The following KHDRBS2 variants were observed in gnomAD, a reference collection of about 807,000 sequenced individuals.
The protein encoded by KHDRBS2 is KH RNA binding domain containing, signal transduction associated 2, also known as KH domain-containing, RNA-binding, signal transduction-associated protein 2.
A neutral mutation model predicts 44.3 loss-of-function variants in KHDRBS2; 26 were observed. The observed-to-expected ratio is 0.59, with a 90% CI of 0.43 to 0.81. KHDRBS2 has a LOEUF of 0.81. Ranked by LOEUF, KHDRBS2 falls within the 40% of genes least tolerant of loss-of-function variation. The pLI, the probability that KHDRBS2 is intolerant of heterozygous loss-of-function variation, is 0.00. For synonymous variants in KHDRBS2, 194 were observed against 151.1 expected, an observed-to-expected ratio of 1.28 and a Z score of -2.08; for missense variants, 476 against 433.1, an observed-to-expected ratio of 1.10 and a Z score of -0.88.
At chr6:61,632,063 C>T in the KHDRBS2 span, among the ~76,000 whole-genome samples, 1 of 152,102 alleles carries the variant, frequency 6.6e-6, no homozygotes. Flanking sequence ...CACTTACATG[C>T]CCTTTATCCT....
chr6:62,010,171 G>A (rs563490771), intron 3 of KHDRBS2, among the ~76,000 whole-genome samples: 7 of 152,254 alleles, frequency 4.6e-5, no homozygotes, highest in South Asian at 4.1e-4. Context: ...TTGCAACAGC[G>A]TGACCTGGAT....
chr6:62,274,915 C>T (rs138866360), intron 1 of KHDRBS2, among the ~76,000 whole-genome samples: 105 of 151,924 alleles, frequency 6.9e-4, no homozygotes, highest in Admixed American at 2.0e-3. Flanking sequence ...GCTTAACAAA[C>T]ACAATATATA....
At chr6:61,877,190 A>G (rs1483652084) in intron 6 of KHDRBS2, among the ~76,000 whole-genome samples, 1 of 151,974 alleles carries the variant, frequency 6.6e-6, no homozygotes, top group Non-Finnish European at 1.5e-5. Context: ...TGACCCCTGC[A>G]TTGGACCTCC....
chr6:61,747,620 T>C (rs1777055212), intron 6 of KHDRBS2, among the ~76,000 whole-genome samples: 1 of 152,186 alleles, frequency 6.6e-6, no homozygotes, highest in African/African-American at 2.4e-5. Context: ...AGTTAAGTAA[T>C]CTTCATTTCC....
chr6:61,555,365 TG>T, the KHDRBS2 span, among the ~76,000 whole-genome samples: 59 of 152,342 alleles, frequency 3.9e-4, no homozygotes, highest in Non-Finnish European at 4.4e-5. Context: ...CAGTTCAGTT[TG>T]TTTTTTTCTG....
chr6:62,051,168 C>G (rs1213029326), intron 2 of KHDRBS2, among the ~76,000 whole-genome samples: 1 of 151,930 alleles, frequency 6.6e-6, no homozygotes, highest in Non-Finnish European at 1.5e-5. Context: ...CAGAAATGCT[C>G]TATATTTGTT....
intron 2 of KHDRBS2, among the ~76,000 whole-genome samples, chr6:62,170,012 G>A (rs531161953): frequency 6.6e-6 from 1 of 151,698 alleles, no homozygotes; most frequent in South Asian, 2.1e-4. Flanking sequence ...AGATAGCAGG[G>A]CAGGTGACTT....
At chr6:62,091,896 TATTA>T (rs1316303365) in intron 2 of KHDRBS2, among the ~76,000 whole-genome samples, 2 of 152,176 alleles carry the variant, frequency 1.3e-5, no homozygotes, top group African/African-American at 2.4e-5. Flanking sequence ...TCTCATTACG[TATTA>T]ATTATTAATT....
At chr6:61,559,864 T>C in the KHDRBS2 span, among the ~76,000 whole-genome samples, 1 of 152,344 alleles carries the variant, frequency 6.6e-6, no homozygotes, top group East Asian at 1.9e-4. Context: ...AATTTCAATG[T>C]TATAACATTC....
chr6:61,730,933 C>T (rs1308458766), intron 7 of KHDRBS2, among the ~76,000 whole-genome samples: 1 of 151,906 alleles, frequency 6.6e-6, no homozygotes, highest in African/African-American at 2.4e-5. Flanking sequence ...GTCAGTTAAG[C>T]TCACTTAAAT....
chr6:61,677,429 G>T (rs927504976), downstream of KHDRBS2, among the ~76,000 whole-genome samples: 3 of 151,850 alleles, frequency 2.0e-5, no homozygotes, highest in African/African-American at 7.2e-5. Context: ...TGTAATTTTT[G>T]ATGTGCAATC....
At chr6:61,787,003 C>T (rs1373769332) in intron 6 of KHDRBS2, among the ~76,000 whole-genome samples, 1 of 148,774 alleles carries the variant, frequency 6.7e-6, no homozygotes, top group Non-Finnish European at 1.5e-5. Flanking sequence ...ATACAATTGT[C>T]AGTATATTTT....
Position 62,088,814 on chromosome 6 carries a change from G to A in KHDRBS2, c.220-40820C>T, listed in dbSNP as rs182545623. ...GAAATTTTAAGTCTGCTGAAGCTGCGACCGTAGCCACCCCTTGCCCCAGGT... is the reference window on the plus strand; with the variant it reads ...GAAATTTTAAGTCTGCTGAAGCTGCAACCGTAGCCACCCCTTGCCCCAGGT... On this transcript the variant is annotated intron_variant, in intron 2 of 8. Transcript: ENST00000281156. Among the ~76,000 whole-genome samples the A allele has an allele frequency of 3.3e-4, 50 of 152,228 alleles. 1 individual carries two copies. The East Asian group carries it at 8.4e-3, about 25-fold the overall frequency.
At chr6:61,579,631 A>G in the KHDRBS2 span, among the ~76,000 whole-genome samples, 13 of 151,958 alleles carry the variant, frequency 8.6e-5, no homozygotes, top group Non-Finnish European at 1.8e-4. Context: ...GTAAAAATTT[A>G]TATAAGAAAA....
At chr6:62,141,042 C>T (rs559403406) in intron 2 of KHDRBS2, among the ~76,000 whole-genome samples, 95 of 152,228 alleles carry the variant, frequency 6.2e-4, no homozygotes, top group African/African-American at 2.2e-3. Flanking sequence ...GACATGTTTT[C>T]ATATTGTTAT....
chr6:62,000,064 G>A (rs1397969599), intron 3 of KHDRBS2, among the ~76,000 whole-genome samples: 1 of 151,986 alleles, frequency 6.6e-6, no homozygotes, highest in African/African-American at 2.4e-5. Context: ...CAGTTTCCAG[G>A]ATTAGGATGA....
intron 7 of KHDRBS2, among the ~76,000 whole-genome samples, chr6:61,709,339 T>G (rs2127549805): frequency 6.6e-6 from 1 of 151,750 alleles, no homozygotes; most frequent in Non-Finnish European, 1.5e-5. Context: ...TTTGCTCTAC[T>G]CATAGATTAA....
At chr6:61,771,302 C>T (rs535777865) in intron 6 of KHDRBS2, among the ~76,000 whole-genome samples, 1 of 152,228 alleles carries the variant, frequency 6.6e-6, no homozygotes, top group African/African-American at 2.4e-5. Flanking sequence ...AACCAGCTAA[C>T]ATCATAATGA....
intron 7 of KHDRBS2, among the ~76,000 whole-genome samples, chr6:61,707,725 A>G (rs1330918951): frequency 1.3e-5 from 2 of 151,704 alleles, no homozygotes; most frequent in African/African-American, 4.8e-5. Context: ...AAGTAGATAG[A>G]AGTGAAGTTA....
Sources: gnomAD v4.1 joint callset for allele counts (sites outside exome capture counted in the v4.1 genomes callset) on GRCh38, gnomAD v4.1.1 for gene constraint, MANE v1.5 for transcripts, NCBI Gene and HGNC (gene_info 2026-07-23, HGNC 2026-07-21) for gene names.